Variants in COL23A1 observed in about 807,000 individuals in gnomAD.
The protein encoded by COL23A1 is collagen alpha-1(XXIII) chain.
In COL23A1, 97 loss-of-function variants were observed where a neutral mutation model predicts 99.3. That is an observed-to-expected ratio of 0.98 (90% CI 0.83 to 1.16). The LOEUF (loss-of-function observed/expected upper bound fraction) is 1.16. Ranked by LOEUF, COL23A1 falls within the 50% of genes most tolerant of loss-of-function variation. The probability of loss-of-function intolerance (pLI) is 0.00; values close to 1 mark genes in which losing one functional copy is unlikely to be tolerated. For missense variants in COL23A1, 762 were observed against 757.4 expected, an observed-to-expected ratio of 1.01 and a Z score of -0.07; for synonymous variants, 320 against 308.2, an observed-to-expected ratio of 1.04 and a Z score of -0.40.
At chr5:178,381,973 C>G (rs1281917141) in intron 2 of COL23A1, among the ~76,000 whole-genome samples, 1 of 152,206 alleles carries the variant, frequency 6.6e-6, no homozygotes, top group Non-Finnish European at 1.5e-5. Context: ...CCTGTGCCCC[C>G]TCCGGTGGGA....
At chr5:178,563,997 T>A (rs1413880063) in intron 1 of COL23A1, among the ~76,000 whole-genome samples, 1 of 152,246 alleles carries the variant, frequency 6.6e-6, no homozygotes, top group African/African-American at 2.4e-5. Flanking sequence ...CACACTGATT[T>A]CATTTTTTAA....
chr5:178,460,149 A>G (rs371139895), intron 2 of COL23A1, among the ~76,000 whole-genome samples: 3 of 152,200 alleles, frequency 2.0e-5, no homozygotes, highest in East Asian at 3.9e-4. Context: ...GCTTTTCCTA[A>G]TCACTTCCAA....
chr5:178,427,439 A>C (rs1766005252), intron 2 of COL23A1, among the ~76,000 whole-genome samples: 1 of 152,230 alleles, frequency 6.6e-6, no homozygotes. Context: ...AAGAAGCTGA[A>C]AACGTATGTC....
intron 2 of COL23A1, among the ~76,000 whole-genome samples, chr5:178,463,606 G>A (rs747926783): frequency 5.3e-5 from 8 of 152,212 alleles, no homozygotes; most frequent in Non-Finnish European, 1.0e-4. Context: ...CTTTGCCGAT[G>A]AGGATGCCAG....
At chr5:178,499,484 G>A (rs1758408157) in intron 2 of COL23A1, among the ~76,000 whole-genome samples, 1 of 152,158 alleles carries the variant, frequency 6.6e-6, no homozygotes, top group African/African-American at 2.4e-5. Context: ...GTTCAACCAT[G>A]AGAAAAACAT....
intron 1 of COL23A1, among the ~76,000 whole-genome samples, chr5:178,585,740 G>GGAT (rs1193106192): frequency 6.6e-6 from 1 of 151,988 alleles, no homozygotes; most frequent in Admixed American, 6.6e-5. Flanking sequence ...CCACAGCCCT[G>GGAT]GCTGACCCTG....
chr5:178,323,153 C>G (rs1759441728), intron 2 of COL23A1, among the ~76,000 whole-genome samples: 1 of 152,114 alleles, frequency 6.6e-6, no homozygotes, highest in Non-Finnish European at 1.5e-5. Context: ...GTGAGGGCAG[C>G]CCAGCTGTGT....
intron 2 of COL23A1, among the ~76,000 whole-genome samples, chr5:178,377,120 C>A (rs181030997): frequency 1.3e-5 from 2 of 152,330 alleles, no homozygotes; most frequent in East Asian, 3.9e-4. Context: ...GATGGGACTA[C>A]GCGGGCCACG....
intron 27 of COL23A1, among the ~76,000 whole-genome samples, chr5:178,239,565 C>T (rs368610857): frequency 3.2e-4 from 43 of 135,636 alleles, no homozygotes; most frequent in East Asian, 4.9e-4. Flanking sequence ...TGGGTCCTGC[C>T]GAGAGCCGTG....
At chr5:178,574,642 C>T (rs547138722) in intron 1 of COL23A1, among the ~76,000 whole-genome samples, 1 of 152,330 alleles carries the variant, frequency 6.6e-6, no homozygotes, top group South Asian at 2.1e-4. Context: ...AATATACACA[C>T]TGTGAGAGAG....
At chr5:178,292,782 A>G (rs1355884837) in intron 3 of COL23A1, among the ~76,000 whole-genome samples, 1 of 152,192 alleles carries the variant, frequency 6.6e-6, no homozygotes, top group Non-Finnish European at 1.5e-5. Flanking sequence ...GCTGCCGTCA[A>G]CAGAGGTGGG....
intron 2 of COL23A1, among the ~76,000 whole-genome samples, chr5:178,358,140 G>GTGTGTATGTGTATGTGTGTATGTCTAA: frequency 6.7e-6 from 1 of 149,612 alleles, no homozygotes; most frequent in Admixed American, 6.6e-5. Flanking sequence ...CGTCTAATGT[G>GTGTGTATGTGTATGTGTGTATGTCTAA]TGTGTATGTG....
chr5:178,559,690 C>T (rs1762460133), intron 2 of COL23A1, among the ~76,000 whole-genome samples: 1 of 146,986 alleles, frequency 6.8e-6, no homozygotes, highest in Non-Finnish European at 1.5e-5. Flanking sequence ...CCTTTCCCTG[C>T]ACGTCGAGAA....
chr5:178,373,086 A>T (rs1762887050), intron 2 of COL23A1, among the ~76,000 whole-genome samples: 1 of 151,838 alleles, frequency 6.6e-6, no homozygotes, highest in South Asian at 2.1e-4. Flanking sequence ...GAAGAAACTA[A>T]CACTATGAGT....
rs543013770 is a variant in COL23A1 at position 178,255,459 on chromosome 5, ACACGCCTATTCCC to A, written c.883-446_883-434del. ...GAGCGGCTGCACACGCCAAGCACCC[ACACGCCTATTCCC>A]GCCTGGTTACAGGTGCATGTCAGCA... On this transcript the variant is annotated intron_variant, in intron 15 of 28. Coordinates refer to ENST00000390654, the MANE Select transcript of COL23A1 (RefSeq NM_173465.4). This position sits in a 1 kb window ranked among gnomAD's most constrained non-coding sequence, Gnocchi z 4.2. Among the ~76,000 whole-genome samples the A allele has an allele frequency of 4.8e-4, 73 of 151,736 alleles. No homozygotes were observed. Among genetic ancestry groups the A allele is most frequent in the African/African-American group, 1.4e-3 (56 of 41,278 alleles).
intron 2 of COL23A1, among the ~76,000 whole-genome samples, chr5:178,548,521 G>A (rs1761833490): frequency 1.3e-5 from 2 of 149,836 alleles, no homozygotes; most frequent in South Asian, 4.2e-4. Flanking sequence ...CCAATGTCCT[G>A]TGGGGATCCC....
At chr5:178,419,143 A>G (rs1765464035) in intron 2 of COL23A1, among the ~76,000 whole-genome samples, 3 of 152,178 alleles carry the variant, frequency 2.0e-5, no homozygotes, top group South Asian at 4.1e-4. Flanking sequence ...CCCGGTGTCT[A>G]ACGTGGCTGT....
intron 2 of COL23A1, among the ~76,000 whole-genome samples, chr5:178,552,438 G>C (rs1762046561): frequency 1.3e-5 from 2 of 152,120 alleles, no homozygotes; most frequent in South Asian, 4.1e-4. Flanking sequence ...GACATACCAA[G>C]GTAGCTGCCT....
chr5:178,515,155 TCC>T (rs1341453907), intron 2 of COL23A1, among the ~76,000 whole-genome samples: 1 of 152,230 alleles, frequency 6.6e-6, no homozygotes, highest in Non-Finnish European at 1.5e-5. Flanking sequence ...CAGGCTCAGA[TCC>T]CACCCAGCCC....
Sources: gnomAD v4.1 joint callset for allele counts (sites outside exome capture counted in the v4.1 genomes callset) on GRCh38, gnomAD v4.1.1 for gene constraint, Gnocchi (gnomAD v3.1) non-coding constraint, MANE v1.5 for transcripts, NCBI Gene and HGNC (gene_info 2026-07-23, HGNC 2026-07-21) for gene names.